RAVER2: variants seen among roughly 807,000 people sequenced by gnomAD.
RAVER2 encodes the protein ribonucleoprotein PTB-binding 2.
RAVER2 carries 46 observed loss-of-function variants against 78.1 expected under a neutral mutation model. The ratio of observed to expected loss-of-function variants is 0.59; its 90% CI spans 0.46 to 0.75. The LOEUF (loss-of-function observed/expected upper bound fraction) is 0.75. Among genes scored for constraint, RAVER2 ranks in the 30% least tolerant of loss-of-function variants. RAVER2 has a pLI of 0.00. For missense variants in RAVER2, 793 were observed against 837.5 expected, an observed-to-expected ratio of 0.95 and a Z score of 0.66; for synonymous variants, 311 against 313.3, an observed-to-expected ratio of 0.99 and a Z score of 0.08.
intron 2 of RAVER2, among the ~76,000 whole-genome samples, chr1:64,776,502 G>A (rs1213516890): frequency 1.3e-5 from 2 of 152,222 alleles, no homozygotes; most frequent in Admixed American, 1.3e-4. Context: ...GAAATGACAG[G>A]CAGAATTGCC....
At chr1:64,809,714 TC>T (rs67828455) in intron 9 of RAVER2, among the ~76,000 whole-genome samples, 10,916 of 152,184 alleles carry the variant, frequency 0.072, 520 homozygotes, top group Non-Finnish European at 0.098. Flanking sequence ...CAAAACTTTT[TC>T]ATCATCTCAT....
intron 4 of RAVER2, among the ~76,000 whole-genome samples, chr1:64,783,644 C>G (rs1053124482): frequency 3.3e-5 from 5 of 152,036 alleles, no homozygotes; most frequent in African/African-American, 1.2e-4. Context: ...TATATTAGCC[C>G]TTTGTCACAT....
At chr1:64,810,652 T>G (rs934265068) in intron 9 of RAVER2, among the ~76,000 whole-genome samples, 3 of 152,206 alleles carry the variant, frequency 2.0e-5, no homozygotes, top group African/African-American at 7.2e-5. Flanking sequence ...ATTGTGGTTT[T>G]GATTTGCATT....
At chr1:64,807,283 G>C (rs771170298) in exon 9 of RAVER2, 43 of 1,614,014 alleles carry the variant, frequency 2.7e-5, no homozygotes, top group Non-Finnish European at 3.6e-5. Flanking sequence ...TCAGCACATT[G>C]CTGGACAGGC....
chr1:64,764,023 A>G (rs1174264630), intron 1 of RAVER2, among the ~76,000 whole-genome samples: 3 of 151,996 alleles, frequency 2.0e-5, no homozygotes, highest in Non-Finnish European at 4.4e-5. Flanking sequence ...TCCCAGCTTC[A>G]TTCTTGATAG....
At chr1:64,795,205 A>G (rs567755402) in intron 5 of RAVER2, among the ~76,000 whole-genome samples, 1 of 152,270 alleles carries the variant, frequency 6.6e-6, no homozygotes, top group Admixed American at 6.5e-5. Context: ...TACTGTCTCT[A>G]TACCAAAATA....
In RAVER2 at chr1:64,774,067, C is replaced by T. The variant is rs192486255; in HGVS notation, c.317-3556C>T. Among the ~76,000 whole-genome samples the T allele has an allele frequency of 5.3e-5, 8 of 152,158 alleles. No homozygotes were observed. In the East Asian group the frequency reaches 1.5e-3, roughly 29 times the overall value. On this transcript the variant is annotated intron_variant, in intron 2 of 11. Coordinates refer to ENST00000294428, the Ensembl canonical transcript of RAVER2. ...AATTTGTTTGAGTTTTTTGTAGATTCTGGATATATTAGCCCTTTGTCAGAT... is the reference window on the plus strand; with the variant it reads ...AATTTGTTTGAGTTTTTTGTAGATTTTGGATATATTAGCCCTTTGTCAGAT...
chr1:64,759,856 T>A (rs1651972586), intron 1 of RAVER2, among the ~76,000 whole-genome samples: 1 of 152,088 alleles, frequency 6.6e-6, no homozygotes, highest in African/African-American at 2.4e-5. Context: ...TATTGGTTTA[T>A]GTTAATGTCG....
exon 2 of RAVER2, chr1:64,768,662 C>A: frequency 6.4e-7 from 1 of 1,555,620 alleles, no homozygotes; most frequent in South Asian, 1.1e-5. Flanking sequence ...TCAGGAAGTT[C>A]ATGATTTGTT....
chr1:64,755,724 GTTTTTTTTTTTTTTTTTTT>G lies in RAVER2; in HGVS notation c.249+10314_249+10332del, dbSNP rs753375050. Among the ~76,000 whole-genome samples the G allele has an allele frequency of 7.9e-3, 478 of 60,672 alleles. 5 individuals carry two copies. The highest frequency in any genetic ancestry group is 0.019 in the South Asian group (36 of 1,854). The allele number at this position is 60,672 out of a possible 152,430, so 39.8% of individuals were successfully genotyped here. On this transcript the variant is annotated intron_variant, in intron 1 of 11. Transcript: ENST00000294428. ...CATTTCTCTGACTTTATGCTTCATA[GTTTTTTTTTTTTTTTTTTT>G]TTTTTTTTTTGTAGCCAGAACTAGA...
chr1:64,786,422 C>T (rs1378698308), intron 4 of RAVER2, among the ~76,000 whole-genome samples: 1 of 152,220 alleles, frequency 6.6e-6, no homozygotes, highest in Admixed American at 6.5e-5. Flanking sequence ...GTTGATGCTT[C>T]TACCTCCGTT....
chr1:64,770,657 T>C (rs1342878426), intron 2 of RAVER2, among the ~76,000 whole-genome samples: 2 of 152,040 alleles, frequency 1.3e-5, no homozygotes, highest in African/African-American at 2.4e-5. Flanking sequence ...TTAATAAAAA[T>C]GGACATTAAA....
intron 2 of RAVER2, 56 bp downstream of exon 2, chr1:64,768,778 T>C (rs1652241437): frequency 2.6e-6 from 3 of 1,150,018 alleles, no homozygotes; most frequent in African/African-American, 1.6e-5. Flanking sequence ...GTACTCGTTA[T>C]AGAACAAAAA....
Position 64,778,985 on chromosome 1 carries a change from AATAT to A in RAVER2, c.786+898_786+901del, listed in dbSNP as rs150973368. ...TAAATAAATATATTATTTAATATTAAATATATATTAAAATATATATTATTTAAGT... is the reference window on the plus strand; with the variant it reads ...TAAATAAATATATTATTTAATATTAAATATTAAAATATATATTATTTAAGT... On this transcript the variant is annotated intron_variant, in intron 3 of 11. Coordinates refer to ENST00000294428, the Ensembl canonical transcript of RAVER2. Among the ~76,000 whole-genome samples the A allele has an allele frequency of 9.3e-3, 1,378 of 147,974 alleles. 24 individuals carry two copies. The highest frequency in any genetic ancestry group is 0.032 in the African/African-American group (1,318 of 40,790).
chr1:64,775,188 G>A (rs755853869), intron 2 of RAVER2, among the ~76,000 whole-genome samples: 4 of 152,128 alleles, frequency 2.6e-5, no homozygotes, highest in African/African-American at 4.8e-5. Flanking sequence ...GATGAAAATC[G>A]TGAGTTATGT....
chr1:64,795,895 T>C (rs1361027352), intron 5 of RAVER2, among the ~76,000 whole-genome samples: 1 of 152,052 alleles, frequency 6.6e-6, no homozygotes, highest in African/African-American at 2.4e-5. Flanking sequence ...AAAGTATTCA[T>C]TCTTTAATTA....
intron 2 of RAVER2, among the ~76,000 whole-genome samples, chr1:64,773,633 A>G (rs1043772406): frequency 3.9e-5 from 6 of 152,240 alleles, no homozygotes; most frequent in Non-Finnish European, 8.8e-5. Flanking sequence ...TAGTGCTGCA[A>G]TAAACATACG....
chr1:64,827,745 C>T (rs892760613), intron 11 of RAVER2, among the ~76,000 whole-genome samples: 6 of 152,210 alleles, frequency 3.9e-5, no homozygotes, highest in Non-Finnish European at 5.9e-5. Flanking sequence ...CACATATAAT[C>T]TGTGTGTTTG....
chr1:64,779,754 T>C (rs1203534748), intron 3 of RAVER2, among the ~76,000 whole-genome samples: 1 of 151,820 alleles, frequency 6.6e-6, no homozygotes, highest in Non-Finnish European at 1.5e-5. Flanking sequence ...AAAAGCCATT[T>C]ATCATAAATT....
Sources: allele counts gnomAD v4.1 joint callset (sites outside exome capture counted in the v4.1 genomes callset), GRCh38; gene constraint gnomAD v4.1.1; transcripts MANE v1.5; gene names NCBI Gene and HGNC (gene_info 2026-07-23, HGNC 2026-07-21).